RPS29: variants seen among roughly 807,000 people sequenced by gnomAD.
The protein encoded by RPS29 is small ribosomal subunit protein uS14.
For missense variants in RPS29, 60 were observed against 75.7 expected (o/e 0.79, Z 0.77); for synonymous variants, 37 against 26.9 (o/e 1.37, Z -1.16).
chr14:49,586,299 C>G lies in RPS29; in HGVS notation c.48G>C (p.Gln16His), dbSNP rs201965247. 6.2e-7 allele frequency: 1 copy of G among 1,613,954 alleles called. No homozygotes were observed. The highest frequency in any genetic ancestry group is 8.5e-7 in the Non-Finnish European group (1 of 1,179,832). The change falls in exon 1 of 3, where the codon CAG becomes CAC. Residue 16 changes from glutamine to histidine, a missense_variant. Coordinates refer to ENST00000245458, the MANE Select transcript of RPS29 (RefSeq NM_001032.5). ...CTATTTCTCACCAAGAGCGAGAACCCTGGCCGAATTTTCGCGGGTGGCTCC... is the reference window on the plus strand; with the variant it reads ...CTATTTCTCACCAAGAGCGAGAACCGTGGCCGAATTTTCGCGGGTGGCTCC... ...LYWSHPRKFG[Q>H]GSRSCRVCSN...
In RPS29 at chr14:49,583,638, C is replaced by A; in HGVS notation, c.*29G>T. On this transcript the variant is annotated 3_prime_UTR_variant, in exon 3 of 3. Coordinates refer to ENST00000245458, the MANE Select transcript of RPS29 (RefSeq NM_001032.5). ...ATCATGGTTTTTCATTGAGTAGATG[C>A]CCCGGATAATCCTCTGAAGGAAGAG... The A allele has an allele frequency of 6.3e-7, 1 of 1,581,650 alleles. No homozygotes were observed. Among genetic ancestry groups the A allele is most frequent in the Non-Finnish European group, 8.6e-7 (1 of 1,166,000 alleles).
At chr14:49,591,558 C>T (rs923975114) in intron 1 of RPS29, among the ~76,000 whole-genome samples, 17 of 151,846 alleles carry the variant, frequency 1.1e-4, no homozygotes, top group African/African-American at 3.6e-4. Flanking sequence ...GTAATCCACC[C>T]GCCTCAGCCT....
intron 1 of RPS29, among the ~76,000 whole-genome samples, chr14:49,593,464 G>A (rs895149305): frequency 6.6e-6 from 1 of 152,112 alleles, no homozygotes; most frequent in African/African-American, 2.4e-5. Context: ...AGCACTTTGG[G>A]AGGCCAAGGT....
intron 1 of RPS29, chr14:49,592,256 C>T (rs1378603623): frequency 6.6e-6 from 1 of 150,654 alleles, no homozygotes; most frequent in African/African-American, 2.4e-5. Flanking sequence ...TCAAGTGAAG[C>T]AGTGGGAGTA....
chr14:49,597,510 A>C (rs1881858482), intron 1 of RPS29: 1 of 152,230 alleles, frequency 6.6e-6, no homozygotes, highest in African/African-American at 2.4e-5. Context: ...TCAAAGAACA[A>C]AAGCAGGTAA....
chr14:49,592,699 A>G (rs28375127), intron 1 of RPS29, among the ~76,000 whole-genome samples: 70,153 of 150,490 alleles, frequency 0.47, 17,341 homozygotes, highest in Middle Eastern at 0.56. Flanking sequence ...ACCTGAGGTC[A>G]GGAGTTCGAG....
At chr14:49,591,441 A>G (rs557486243) in intron 1 of RPS29, among the ~76,000 whole-genome samples, 1 of 151,780 alleles carries the variant, frequency 6.6e-6, no homozygotes, top group South Asian at 2.1e-4. Context: ...CCTCCCAAGT[A>G]GCTGGGATTA....
At chr14:49,574,877 G>A (rs1165022995) in exon 3 of RPS29, 3 of 152,246 alleles carry the variant, frequency 2.0e-5, no homozygotes, top group Admixed American at 6.5e-5. Context: ...GTGAAGGCAA[G>A]GTTGGTCATT....
intron 2 of RPS29, 104 bp downstream of exon 2, chr14:49,585,846 A>G (rs1340397318): frequency 1.2e-6 from 1 of 854,280 alleles, no homozygotes; most frequent in East Asian, 2.5e-5. Context: ...GAATGCTCAG[A>G]ATTACCACTC....
intron 1 of RPS29, chr14:49,597,575 T>C (rs1158336009): frequency 6.6e-6 from 1 of 152,168 alleles, no homozygotes; most frequent in African/African-American, 2.4e-5. Flanking sequence ...TCTTTAGCCA[T>C]AAAGTTTTGC....
intron 2 of RPS29, among the ~76,000 whole-genome samples, chr14:49,578,390 C>A (rs927814617): frequency 6.6e-6 from 1 of 152,036 alleles, no homozygotes; most frequent in Non-Finnish European, 1.5e-5. Context: ...AATCACATCA[C>A]CCAAAGTCAA....
chr14:49,578,901 G>A (rs1407827168), downstream of RPS29, among the ~76,000 whole-genome samples: 1 of 152,084 alleles, frequency 6.6e-6, no homozygotes, highest in Non-Finnish European at 1.5e-5. Context: ...AGTGGTAAGA[G>A]CAGTTTTCAA....
chr14:49,584,206 T>C (rs1257155688), intron 2 of RPS29, among the ~76,000 whole-genome samples: 2 of 152,214 alleles, frequency 1.3e-5, no homozygotes, highest in Non-Finnish European at 2.9e-5. Flanking sequence ...AACCCTGGGC[T>C]CAAGAAATCT....
At chr14:49,585,829 C>G (rs1881525800) in intron 2 of RPS29, 121 bp downstream of exon 2, 1 of 728,722 alleles carries the variant, frequency 1.4e-6, no homozygotes, top group Non-Finnish European at 2.4e-6. Flanking sequence ...AGGAAAAGCT[C>G]TTGGTCGAAT....
downstream of RPS29, among the ~76,000 whole-genome samples, chr14:49,581,450 G>A (rs1006754294): frequency 6.6e-6 from 1 of 152,118 alleles, no homozygotes; most frequent in Non-Finnish European, 1.5e-5. Context: ...AACCTGGAAA[G>A]GCCTATCTCA....
rs562512050 is a variant in RPS29, at chr14:49,578,482, T to C, written c.163-629A>G. Among the ~76,000 whole-genome samples, 8 of 151,904 alleles carry C rather than the reference T, an allele frequency of 5.3e-5. No individual in the cohort carries two copies. The South Asian group carries it at 1.5e-3, about 28-fold the overall frequency. ...TTTAACATAATAAAATTGTAGCACA[T>C]ATACAATTTTTCACTTTTTATAAAA... On this transcript the variant is annotated intron_variant, in intron 2 of 2. Transcript: ENST00000396020.
At chr14:49,598,122 C>T (rs962107011) in intron 1 of RPS29, 2 of 388,956 alleles carry the variant, frequency 5.1e-6, no homozygotes, top group African/African-American at 2.1e-5. Context: ...TTTACCATTA[C>T]GGAAGTATAA....
At chr14:49,593,069 A>T (rs894413768) in intron 1 of RPS29, among the ~76,000 whole-genome samples, 1 of 152,214 alleles carries the variant, frequency 6.6e-6, no homozygotes, top group Non-Finnish European at 1.5e-5. Context: ...GGAATGAAGG[A>T]GAAATTCAGC....
chr14:49,575,747 G>A (rs1468392001), exon 3 of RPS29: 1 of 152,184 alleles, frequency 6.6e-6, no homozygotes, highest in East Asian at 1.9e-4. Flanking sequence ...GCTACTTGGA[G>A]TCTGAGGTAG....
Sources: allele counts gnomAD v4.1 joint callset (sites outside exome capture counted in the v4.1 genomes callset), GRCh38; gene constraint gnomAD v4.1.1; transcripts MANE v1.5; gene names NCBI Gene and HGNC (gene_info 2026-07-23, HGNC 2026-07-21).